The following RCC1L variants were observed in gnomAD, a reference collection of about 807,000 sequenced individuals.
RCC1L encodes the protein RCC1-like G exchanging factor-like protein.
Under a neutral mutation model 58.6 loss-of-function variants are expected in RCC1L, and 46 were observed. The observed-to-expected ratio is 0.79, with a 90% CI of 0.62 to 1.00. The LOEUF is 1.00. RCC1L is among the 50% of genes least tolerant of loss of function. The pLI is 0.00. For missense variants in RCC1L, 636 were observed against 623.6 expected, an observed-to-expected ratio of 1.02 and a Z score of -0.21; for synonymous variants, 281 against 262.9, an observed-to-expected ratio of 1.07 and a Z score of -0.67.
At position 75,042,369 on chromosome 7, in the gene RCC1L, G is replaced by A. The variant is rs7375; in HGVS notation, c.*663C>T. On this transcript the variant is annotated 3_prime_UTR_variant, in exon 11 of 11. Transcript: ENST00000610322. ...CGGGGCCCTCGGCGCAGAGGAACTT[G>A]GCCTCGATTCTCTTCCTGAGGGGCT... 580,166 of 985,496 alleles carry A rather than the reference G, an allele frequency of 0.59. 174,158 individuals are homozygous for A. The highest frequency in any genetic ancestry group is 0.88 in the East Asian group (7,753 of 8,800). 61.0% of individuals were successfully genotyped at this position (985,496 alleles called of 1,614,324 possible).
chr7:75,062,001 A>G (rs1237377650), intron 5 of RCC1L, among the ~76,000 whole-genome samples: 1 of 152,138 alleles, frequency 6.6e-6, no homozygotes, highest in African/African-American at 2.4e-5. Context: ...CAGCCTGGCC[A>G]ACATGGTGAA....
At chr7:75,028,066 G>A in exon 11 of RCC1L, 1 of 1,534,216 alleles carries the variant, frequency 6.5e-7, no homozygotes, top group Non-Finnish European at 8.7e-7. Flanking sequence ...GGCGCTGGCG[G>A]ATGGGGCAGG....
At chr7:75,030,204 T>C (rs909399077) in intron 10 of RCC1L, among the ~76,000 whole-genome samples, 1 of 152,220 alleles carries the variant, frequency 6.6e-6, no homozygotes, top group Admixed American at 6.5e-5. Flanking sequence ...CCTAGGTGTG[T>C]TTATGCACAC....
chr7:75,068,618 G>A (rs1554445578), intron 2 of RCC1L, among the ~76,000 whole-genome samples: 1 of 151,818 alleles, frequency 6.6e-6, no homozygotes, highest in Non-Finnish European at 1.5e-5. Context: ...CCCAGGAGGT[G>A]GAGGTTGCAG....
intron 10 of RCC1L, among the ~76,000 whole-genome samples, chr7:75,045,087 C>T (rs1805679735): frequency 6.6e-6 from 1 of 152,142 alleles, no homozygotes; most frequent in Admixed American, 6.5e-5. Context: ...GCAATCACTG[C>T]AGGCTTAACC....
At chr7:75,065,781 A>G (rs10266330) in intron 3 of RCC1L, among the ~76,000 whole-genome samples, 85,989 of 151,640 alleles carry the variant, frequency 0.57, 25,341 homozygotes, top group East Asian at 0.93. Flanking sequence ...ACTTTGGGAG[A>G]CCGAGGTGGG....
downstream of RCC1L, among the ~76,000 whole-genome samples, chr7:75,038,486 T>A (rs1193317656): frequency 6.6e-6 from 1 of 151,858 alleles, no homozygotes; most frequent in East Asian, 1.9e-4. Context: ...CAGGCTGGAG[T>A]GCAGTGGTGT....
downstream of RCC1L, among the ~76,000 whole-genome samples, chr7:75,041,242 A>AAC (rs1584487598): frequency 8.4e-4 from 84 of 100,306 alleles, no homozygotes; most frequent in Middle Eastern, 4.7e-3. Context: ...AACTAACTAA[A>AAC]TAAATAAAGG....
rs782015380 is a variant in RCC1L at position 75,073,547 on chromosome 7, C to T, written c.191G>A (p.Trp64Ter). 10 of 1,505,002 alleles carry T rather than the reference C, an allele frequency of 6.6e-6. No individual in the cohort carries two copies. The highest frequency in any genetic ancestry group is 8.8e-6 in the Non-Finnish European group (10 of 1,135,632). 93.2% of individuals were successfully genotyped at this position (1,505,002 alleles called of 1,614,324 possible). ...CAGCGCCCCCGAGAAGCTGAAGCCC[C>T]ACACGAAGACGCGATCGGCGCGGGC... Reference protein sequence around the residue: ...RAARADRVFVWGFSFSGALGV... With the variant: ...RAARADRVFV The change falls in exon 1 of 11, where the codon TGG (tryptophan) becomes TAG (stop). Residue 64 changes from tryptophan to a stop codon, truncating the protein, a stop_gained. Coordinates refer to ENST00000610322, the MANE Select transcript of RCC1L (RefSeq NM_030798.5). LOFTEE classifies it high-confidence loss of function.
chr7:75,056,574 C>T (rs1319811441), intron 8 of RCC1L: 2 of 1,532,716 alleles, frequency 1.3e-6, no homozygotes, highest in Non-Finnish European at 1.7e-6. Context: ...TTATCCAAAG[C>T]TGAAGGCTGT....
chr7:75,031,951 C>T (rs1358998527), intron 10 of RCC1L, among the ~76,000 whole-genome samples: 5 of 152,176 alleles, frequency 3.3e-5, no homozygotes, highest in African/African-American at 1.2e-4. Flanking sequence ...CTTGAGTGTC[C>T]TCACAATATG....
intron 10 of RCC1L, among the ~76,000 whole-genome samples, chr7:75,035,873 T>G (rs1490565314): frequency 6.6e-6 from 1 of 151,834 alleles, no homozygotes; most frequent in Non-Finnish European, 1.5e-5. Flanking sequence ...GGGCATGGCT[T>G]GCGTGCCTGT....
downstream of RCC1L, among the ~76,000 whole-genome samples, chr7:75,041,716 T>G (rs1554442291): frequency 6.6e-6 from 1 of 151,544 alleles, no homozygotes; most frequent in African/African-American, 2.4e-5. Context: ...GAAAACAAAT[T>G]AGCTGGGTGT....
chr7:75,045,301 T>A (rs1805687325), intron 10 of RCC1L, among the ~76,000 whole-genome samples: 1 of 151,986 alleles, frequency 6.6e-6, no homozygotes, highest in African/African-American at 2.4e-5. Context: ...CACCTCACCC[T>A]CCCAAGTAGC....
intron 2 of RCC1L, among the ~76,000 whole-genome samples, chr7:75,069,723 C>T (rs1329816304): frequency 3.3e-5 from 5 of 151,880 alleles, no homozygotes; most frequent in African/African-American, 9.7e-5. Flanking sequence ...GCCACCATGC[C>T]CGGCTAATTT....
chr7:75,046,238 G>A (rs935732752), intron 10 of RCC1L, among the ~76,000 whole-genome samples: 174 of 152,276 alleles, frequency 1.1e-3, no homozygotes, highest in African/African-American at 3.9e-3. Flanking sequence ...AAACAAGAAC[G>A]GGGCCCAGTG....
chr7:75,066,516 G>C lies in RCC1L; in HGVS notation c.583+148C>G, dbSNP rs1284793325. 1.8e-5 allele frequency: 18 copies of C among 973,906 alleles called. No homozygotes were observed. In the East Asian group the frequency reaches 4.5e-4, roughly 24 times the overall value. The allele number at this position is 973,906 out of a possible 1,614,324, so 60.3% of individuals were successfully genotyped here. The stretch of plus-strand genomic sequence containing the variant: ...AACAAGGTTTGTCCAGCTGTCTTGA[G>C]CAATCCCACTGATCTGCTCAGGAAA... On this transcript the variant is annotated intron_variant, in intron 3 of 10. Transcript: ENST00000610322.
intron 1 of RCC1L, among the ~76,000 whole-genome samples, chr7:75,072,149 CATATACATATACATATATATATATATAT>C (rs1157025768): frequency 2.8e-5 from 1 of 35,902 alleles, no homozygotes; most frequent in African/African-American, 6.5e-5. Flanking sequence ...TATACATATA[CATATACATATACATATATATATATATAT>C]ATATATATAT....
intron 10 of RCC1L, among the ~76,000 whole-genome samples, chr7:75,048,444 A>G (rs1805811716): frequency 6.6e-6 from 1 of 152,162 alleles, no homozygotes; most frequent in Non-Finnish European, 1.5e-5. Context: ...CGCAAGTTCA[A>G]ATTATACCCA....
Sources: gnomAD v4.1 joint callset for allele counts (sites outside exome capture counted in the v4.1 genomes callset) on GRCh38, gnomAD v4.1.1 for gene constraint, MANE v1.5 for transcripts, NCBI Gene and HGNC (gene_info 2026-07-23, HGNC 2026-07-21) for gene names.